Variants in OTOG observed in about 807,000 individuals in gnomAD.
OTOG encodes otogelin.
A neutral mutation model predicts 313.8 loss-of-function variants in OTOG; 296 were observed. The observed-to-expected ratio is 0.94, with a 90% confidence interval of 0.86 to 1.04. The LOEUF is 1.04. OTOG is among the 50% of genes least tolerant of loss of function. The pLI is 0.00. For missense variants in OTOG, 3,948 were observed against 3,840.1 expected (o/e 1.03, Z -0.74); for synonymous variants, 1,533 against 1,554.9 (o/e 0.99, Z 0.33).
At chr11:17,612,015 G>C (rs1853564333) in intron 36 of OTOG, 147 bp from the exon 37 acceptor site, 1 of 950,578 alleles carries the variant, frequency 1.1e-6, no homozygotes, top group South Asian at 1.6e-5. Flanking sequence ...CATGGCTTGT[G>C]GTGGGTAGGG....
intron 15 of OTOG, among the ~76,000 whole-genome samples, chr11:17,566,341 A>T (rs1852293262): frequency 6.6e-6 from 1 of 152,222 alleles, no homozygotes; most frequent in Non-Finnish European, 1.5e-5. Flanking sequence ...AAGTCTGTAC[A>T]TGTTCAGTAC....
chr11:17,561,222 G>T, intron 14 of OTOG, 85 bp downstream of exon 14: 1 of 1,458,094 alleles, frequency 6.9e-7, no homozygotes, highest in Non-Finnish European at 9.4e-7. Flanking sequence ...GGCCAGGCTT[G>T]CTGCGGGTGG....
At chr11:17,577,010 G>A in intron 22 of OTOG, 99 bp downstream of exon 22, 1 of 1,268,308 alleles carries the variant, frequency 7.9e-7, no homozygotes, top group South Asian at 1.5e-5. Flanking sequence ...GCCCACTCCA[G>A]GTTTTGCCCT....
intron 48 of OTOG, 108 bp downstream of exon 48, chr11:17,638,657 C>T (rs890661947): frequency 6.7e-7 from 1 of 1,485,212 alleles, no homozygotes; most frequent in Non-Finnish European, 9.2e-7. Context: ...AGATCTGTCC[C>T]CTGCAGGGTC....
chr11:17,614,574 T>C (rs767280820), intron 39 of OTOG, among the ~76,000 whole-genome samples: 6 of 152,152 alleles, frequency 3.9e-5, no homozygotes, highest in Non-Finnish European at 8.8e-5. Flanking sequence ...TCCCAAACAC[T>C]ACCTCCTGCC....
intron 6 of OTOG, among the ~76,000 whole-genome samples, chr11:17,553,938 T>C (rs1328292115): frequency 2.0e-5 from 3 of 152,190 alleles, no homozygotes; most frequent in East Asian, 1.9e-4. Context: ...TAAACGAACA[T>C]GTCCTGAAAA....
chr11:17,620,045 T>A (rs1307317381), intron 39 of OTOG, among the ~76,000 whole-genome samples: 2 of 152,254 alleles, frequency 1.3e-5, no homozygotes, highest in African/African-American at 4.8e-5. Context: ...TTTTTTTCTT[T>A]CAGTACTTTA....
chr11:17,561,426 C>T (rs1247234512), intron 14 of OTOG, among the ~76,000 whole-genome samples: 1 of 152,192 alleles, frequency 6.6e-6, no homozygotes, highest in Non-Finnish European at 1.5e-5. Context: ...AAGGCTAGGC[C>T]CTGGTCTCCC....
chr11:17,638,358 G>GGGTA, intron 47 of OTOG, 93 bp from the exon 48 acceptor site: 1 of 1,075,968 alleles, frequency 9.3e-7, no homozygotes, highest in Non-Finnish European at 1.3e-6. Context: ...GAGGAGCTGG[G>GGGTA]GGTAGCCTCT....
rs749292535 is a variant in OTOG at position 17,596,035 on chromosome 11, C to T, written c.3409-3C>T. On this transcript the variant is annotated splice_polypyrimidine_tract_variant and splice_region_variant and intron_variant, in intron 28 of 55. Transcript: ENST00000399397. ...GGTCAACAGCCCTGCCTTTGCCCCT[C>T]AGTGCCCAGACACCCTCGATCCTCG... The T allele has an allele frequency of 1.2e-5, 18 of 1,548,832 alleles. No individual in the cohort carries two copies. The highest frequency in any genetic ancestry group is 1.6e-5 in the Non-Finnish European group (18 of 1,145,330).
chr11:17,557,037 G>A (rs780816821), intron 7 of OTOG, 81 bp from the exon 8 acceptor site: 2 of 1,362,382 alleles, frequency 1.5e-6, no homozygotes, highest in Admixed American at 2.0e-5. Context: ...CATGGGGTAG[G>A]GACTGGCTGT....
chr11:17,597,076 C>A, intron 30 of OTOG, 69 bp downstream of exon 30: 20 of 1,507,960 alleles, frequency 1.3e-5, no homozygotes, highest in Non-Finnish European at 1.8e-5. Flanking sequence ...CCTAGGGGTA[C>A]TGGCAGTCTG....
Position 17,641,015 on chromosome 11 carries a change from C to A in OTOG, c.8114C>A (p.Thr2705Asn), listed in dbSNP as rs547179694. ...GGCGTGTGCCACACCTCCCGCTGCA[C>A]CACCGTGCTCGACCCTCTCACCAAC... ...ADGVCHTSRC[T>N]TVLDPLTNFY... Residue 2705 changes from threonine to asparagine, a missense_variant, in exon 51 of 56, where the codon ACC becomes AAC. By Grantham distance (65) the Thr-to-Asn change is moderately conservative. Coordinates refer to ENST00000399397, the MANE Select transcript of OTOG (RefSeq NM_001292063.2). 2.6e-6 allele frequency: 4 copies of A among 1,548,490 alleles called. No individual in the cohort carries two copies. The Admixed American group carries it at 7.8e-5, about 30-fold the overall frequency.
chr11:17,623,592 G>C (rs986494373), intron 39 of OTOG, among the ~76,000 whole-genome samples: 2 of 152,122 alleles, frequency 1.3e-5, no homozygotes, highest in African/African-American at 4.8e-5. Context: ...ATTGTGAGTA[G>C]TGCTACCATG....
chr11:17,581,099 T>C (rs1187338769), intron 23 of OTOG, among the ~76,000 whole-genome samples: 1 of 152,102 alleles, frequency 6.6e-6, no homozygotes, highest in East Asian at 1.9e-4. Flanking sequence ...TTTTGGAAAA[T>C]AGTTTGGCAG....
intron 48 of OTOG, 31 bp from the exon 49 acceptor site, chr11:17,639,392 G>C: frequency 6.4e-7 from 1 of 1,550,492 alleles, no homozygotes; most frequent in Non-Finnish European, 8.7e-7. Context: ...CATCCCTGAT[G>C]AAGTGGGGCC....
At chr11:17,577,741 C>T (rs1010304542) in intron 22 of OTOG, among the ~76,000 whole-genome samples, 7 of 152,064 alleles carry the variant, frequency 4.6e-5, no homozygotes, top group African/African-American at 1.7e-4. Flanking sequence ...TGTGCCTATG[C>T]CTTTCTCTCT....
chr11:17,559,968 T>C (rs1407918948), intron 12 of OTOG, among the ~76,000 whole-genome samples: 1 of 149,692 alleles, frequency 6.7e-6, no homozygotes, highest in Non-Finnish European at 1.5e-5. Context: ...AACAAATGAA[T>C]AAATGGTTTA....
At chr11:17,613,363 TC>T (rs1853641045) in intron 38 of OTOG, among the ~76,000 whole-genome samples, 1 of 103,860 alleles carries the variant, frequency 9.6e-6, no homozygotes, top group Non-Finnish European at 2.3e-5. Context: ...CTTCCTTCCT[TC>T]CTTCCTTCCC....
Sources: allele counts gnomAD v4.1 joint callset (sites outside exome capture counted in the v4.1 genomes callset), GRCh38; gene constraint gnomAD v4.1.1; transcripts MANE v1.5; gene names NCBI Gene and HGNC (gene_info 2026-07-23, HGNC 2026-07-21).